The following FILIP1L variants were observed in gnomAD, a reference collection of about 807,000 sequenced individuals.
FILIP1L encodes filamin A-interacting protein 1-like.
Under a neutral mutation model 96.6 loss-of-function variants are expected in FILIP1L, and 55 were observed. The ratio of observed to expected loss-of-function variants is 0.57; its 90% CI spans 0.46 to 0.71. The LOEUF is 0.71. Ranked by LOEUF, FILIP1L falls within the 30% of genes least tolerant of loss-of-function variation. The pLI is 0.00. For missense variants in FILIP1L, 1,304 were observed against 1,321.2 expected (o/e 0.99, Z 0.20); for synonymous variants, 467 against 473.9 (o/e 0.99, Z 0.19).
intron 4 of FILIP1L, among the ~76,000 whole-genome samples, chr3:99,896,765 A>G (rs1405536309): frequency 6.6e-6 from 1 of 152,204 alleles, no homozygotes; most frequent in Non-Finnish European, 1.5e-5. Flanking sequence ...AAGGTTCCAG[A>G]GGACTAGGGT....
intron 4 of FILIP1L, among the ~76,000 whole-genome samples, chr3:99,864,753 C>T (rs1320228566): frequency 1.3e-5 from 2 of 152,052 alleles, no homozygotes; most frequent in African/African-American, 2.4e-5. Flanking sequence ...AAACAGAACA[C>T]GGCATGGTGT....
intron 1 of FILIP1L, chr3:100,041,026 G>A (rs1032536330): frequency 1.3e-5 from 2 of 152,090 alleles, no homozygotes; most frequent in Non-Finnish European, 2.9e-5. Context: ...CAAATCCCAC[G>A]CTTTACAGTT....
intron 1 of FILIP1L, among the ~76,000 whole-genome samples, chr3:99,975,101 GC>G (rs1468810028): frequency 2.6e-5 from 4 of 152,164 alleles, no homozygotes; most frequent in Admixed American, 6.5e-5. Context: ...TCTAGATTAA[GC>G]CCAGTGAAGT....
chr3:100,101,310 T>C (rs771687746), intron 1 of FILIP1L, among the ~76,000 whole-genome samples: 2 of 152,148 alleles, frequency 1.3e-5, no homozygotes, highest in Admixed American at 6.5e-5. Context: ...AGGGAGTGCA[T>C]TGACTTCGTT....
At chr3:99,942,187 C>A (rs936474586) in intron 1 of FILIP1L, among the ~76,000 whole-genome samples, 3 of 150,756 alleles carry the variant, frequency 2.0e-5, no homozygotes, top group South Asian at 2.1e-4. Context: ...GGGTGAGAGA[C>A]CAAGACTCCA....
chr3:99,961,013 A>T (rs749302480), intron 1 of FILIP1L, among the ~76,000 whole-genome samples: 1 of 152,092 alleles, frequency 6.6e-6, no homozygotes, highest in Non-Finnish European at 1.5e-5. Flanking sequence ...CGCAGGTTTT[A>T]TCAGGAACAT....
chr3:99,861,559 G>C (rs1045896012), intron 4 of FILIP1L, among the ~76,000 whole-genome samples: 2 of 152,068 alleles, frequency 1.3e-5, no homozygotes, highest in Non-Finnish European at 2.9e-5. Flanking sequence ...AGTTGATTTT[G>C]TACTCTCTGT....
chr3:99,833,016 A>G (rs906633106), intron 5 of FILIP1L: 2 of 539,046 alleles, frequency 3.7e-6, no homozygotes, highest in Non-Finnish European at 6.5e-6. Flanking sequence ...GCATATTGCA[A>G]GAGAAATACA....
At chr3:100,008,265 T>C (rs1710044767) in intron 1 of FILIP1L, among the ~76,000 whole-genome samples, 1 of 152,140 alleles carries the variant, frequency 6.6e-6, no homozygotes, top group Non-Finnish European at 1.5e-5. Context: ...CCAATTAGAT[T>C]CCCTGCCAGC....
intron 3 of FILIP1L, chr3:99,925,765 G>A (rs999344518): frequency 2.8e-6 from 2 of 711,848 alleles, no homozygotes; most frequent in African/African-American, 3.9e-5. Flanking sequence ...TGGAAGTGGA[G>A]GTGACCTCAT....
At chr3:100,020,760 C>CTTTTTTTTTTTTTTTTTTTTTT (rs34665880) in intron 1 of FILIP1L, among the ~76,000 whole-genome samples, 1 of 70,994 alleles carries the variant, frequency 1.4e-5, no homozygotes, top group African/African-American at 5.9e-5. Flanking sequence ...GAATAATTAG[C>CTTTTTTTTTTTTTTTTTTTTTT]TTTTTTTTTT....
At chr3:99,969,280 C>T (rs1708745129) in intron 1 of FILIP1L, among the ~76,000 whole-genome samples, 1 of 152,118 alleles carries the variant, frequency 6.6e-6, no homozygotes, top group Non-Finnish European at 1.5e-5. Flanking sequence ...ATGTCATCTG[C>T]AGAGAAGGAT....
chr3:100,024,484 G>A (rs2064882158), intron 1 of FILIP1L, among the ~76,000 whole-genome samples: 1 of 152,062 alleles, frequency 6.6e-6, no homozygotes, highest in African/African-American at 2.4e-5. Flanking sequence ...TAAGTCACCT[G>A]CCTTTATCAG....
chr3:99,885,061 C>T (rs1312437293), intron 4 of FILIP1L, among the ~76,000 whole-genome samples: 2 of 152,222 alleles, frequency 1.3e-5, no homozygotes, highest in Admixed American at 1.3e-4. Context: ...GCAGAGTTTC[C>T]TTTCAGCAGT....
At chr3:99,995,693 A>G (rs1383909794) in intron 1 of FILIP1L, among the ~76,000 whole-genome samples, 1 of 152,198 alleles carries the variant, frequency 6.6e-6, no homozygotes, top group Non-Finnish European at 1.5e-5. Context: ...AGAGGTTCCC[A>G]AACCCCAATC....
chr3:99,956,113 T>C (rs1309608740), intron 1 of FILIP1L, among the ~76,000 whole-genome samples: 3 of 152,166 alleles, frequency 2.0e-5, no homozygotes. Flanking sequence ...ATTCATTCCT[T>C]ATTGCCTCTG....
At chr3:99,962,103 A>C (rs1293400517) in intron 1 of FILIP1L, among the ~76,000 whole-genome samples, 1 of 152,180 alleles carries the variant, frequency 6.6e-6, no homozygotes, top group Admixed American at 6.5e-5. Flanking sequence ...AGGAAGCGAG[A>C]TGAATGAGGA....
intron 1 of FILIP1L, among the ~76,000 whole-genome samples, chr3:100,027,596 A>G (rs1158630621): frequency 6.6e-6 from 1 of 152,040 alleles, no homozygotes; most frequent in African/African-American, 2.4e-5. Flanking sequence ...ACCCTGCTCA[A>G]CTTCGATACA....
intron 1 of FILIP1L, among the ~76,000 whole-genome samples, chr3:99,980,718 G>A (rs1709095398): frequency 6.6e-6 from 1 of 152,144 alleles, no homozygotes; most frequent in Non-Finnish European, 1.5e-5. Flanking sequence ...CTTGCACCCT[G>A]CCTAGCACTT....
Sources: allele counts gnomAD v4.1 joint callset (sites outside exome capture counted in the v4.1 genomes callset), GRCh38; gene constraint gnomAD v4.1.1; transcripts MANE v1.5; gene names NCBI Gene and HGNC (gene_info 2026-07-23, HGNC 2026-07-21).